CORO2B: variants seen among roughly 807,000 people sequenced by gnomAD.
CORO2B encodes coronin 2B.
Under a neutral mutation model 58.8 loss-of-function variants are expected in CORO2B, and 26 were observed. The ratio of observed to expected loss-of-function variants is 0.44; its 90% confidence interval spans 0.32 to 0.61. The LOEUF (loss-of-function observed/expected upper bound fraction) is 0.61, where lower values mean the gene tolerates loss of function less well. Ranked by LOEUF, CORO2B falls within the 20% of genes least tolerant of loss-of-function variation. The pLI, the probability that CORO2B is intolerant of heterozygous loss-of-function variation, is 0.04. For synonymous variants in CORO2B, 242 were observed against 253.8 expected, an observed-to-expected ratio of 0.95 and a Z score of 0.44; for missense variants, 460 against 645.1, an observed-to-expected ratio of 0.71 and a Z score of 3.11.
At chr15:68,715,465 G>T (rs1488068445) in intron 8 of CORO2B, among the ~76,000 whole-genome samples, 154 bp downstream of exon 8, 4 of 152,250 alleles carry the variant, frequency 2.6e-5, no homozygotes, top group African/African-American at 9.6e-5. Flanking sequence ...TGGCCCTGCT[G>T]CAGCTGTCAC....
At chr15:68,611,957 G>T (rs966779125) in intron 1 of CORO2B, among the ~76,000 whole-genome samples, 4 of 152,064 alleles carry the variant, frequency 2.6e-5, no homozygotes, top group African/African-American at 9.7e-5. Context: ...TTTTCATAGA[G>T]ACTGGGTCTT....
At chr15:68,534,269 C>T in the CORO2B span, among the ~76,000 whole-genome samples, 47 of 151,926 alleles carry the variant, frequency 3.1e-4, no homozygotes, top group Admixed American at 3.1e-3. Context: ...CACACCTGCA[C>T]ATATGTGTAC....
At chr15:68,662,203 G>A (rs1289425928) in intron 2 of CORO2B, among the ~76,000 whole-genome samples, 1 of 152,044 alleles carries the variant, frequency 6.6e-6, no homozygotes, top group South Asian at 2.1e-4. Flanking sequence ...CTTTGCTGAT[G>A]TTAAATTATC....
At chr15:68,709,998 A>T (rs1892877045) in intron 3 of CORO2B, among the ~76,000 whole-genome samples, 1 of 152,170 alleles carries the variant, frequency 6.6e-6, no homozygotes, top group Non-Finnish European at 1.5e-5. Context: ...TGATTCCAAG[A>T]CTGCAGAGAA....
chr15:68,609,747 G>A (rs1900204784), intron 1 of CORO2B, among the ~76,000 whole-genome samples: 1 of 152,218 alleles, frequency 6.6e-6, no homozygotes, highest in African/African-American at 2.4e-5. Flanking sequence ...ATGGAAGGCC[G>A]TTGCTCTGGC....
At chr15:68,612,738 G>A (rs376241230) in intron 1 of CORO2B, among the ~76,000 whole-genome samples, 5 of 152,168 alleles carry the variant, frequency 3.3e-5, no homozygotes, top group Admixed American at 2.0e-4. Context: ...TGATCCTCAC[G>A]CCGCAGTCTC....
At chr15:68,562,837 C>T in the CORO2B span, among the ~76,000 whole-genome samples, 5 of 151,632 alleles carry the variant, frequency 3.3e-5, no homozygotes, top group Admixed American at 1.3e-4. Context: ...ATTAGCCGGG[C>T]GTGGTGGCAG....
intron 2 of CORO2B, among the ~76,000 whole-genome samples, chr15:68,694,935 C>G (rs1233403182): frequency 6.6e-6 from 1 of 152,222 alleles, no homozygotes; most frequent in African/African-American, 2.4e-5. Flanking sequence ...CTGAACCATT[C>G]AGTCTTGGGG....
rs116153334 is a variant in CORO2B at position 68,595,298 on chromosome 15, G to A, written c.15+16021G>A. On this transcript the variant is annotated intron_variant, in intron 1 of 11. Transcript: ENST00000261861. ...CTCCAGCTAAGCCCTGCTGTCCTGTGTCCCTGAGAACACTGGCAGGATTTC... is the reference window on the plus strand; with the variant it reads ...CTCCAGCTAAGCCCTGCTGTCCTGTATCCCTGAGAACACTGGCAGGATTTC... Among the ~76,000 whole-genome samples, 203 of 152,316 alleles carry A rather than the reference G, an allele frequency of 1.3e-3. 1 individual carries two copies. The highest frequency in any genetic ancestry group is 4.7e-3 in the African/African-American group (197 of 41,564).
At chr15:68,576,173 A>AAG (rs1555409380), upstream of CORO2B, among the ~76,000 whole-genome samples, 106 of 103,882 alleles carry the variant, frequency 1.0e-3, no homozygotes, top group African/African-American at 1.3e-3. Flanking sequence ...AAAAAAAAAA[A>AAG]AAAGAAAGAA....
intron 2 of CORO2B, among the ~76,000 whole-genome samples, chr15:68,675,951 A>G (rs1902572771): frequency 6.6e-6 from 1 of 152,138 alleles, no homozygotes; most frequent in African/African-American, 2.4e-5. Context: ...ATAATATAGT[A>G]TAATAATAGA....
At chr15:68,593,511 A>G (rs1232728371) in intron 1 of CORO2B, among the ~76,000 whole-genome samples, 2 of 152,150 alleles carry the variant, frequency 1.3e-5, no homozygotes, top group African/African-American at 2.4e-5. Context: ...CTGAAACACA[A>G]TCTGGAGCCT....
chr15:68,646,182 C>T (rs1008440053), intron 2 of CORO2B, among the ~76,000 whole-genome samples: 12 of 152,044 alleles, frequency 7.9e-5, no homozygotes, highest in Non-Finnish European at 1.2e-4. Context: ...CAGCTGCTTA[C>T]GTGAATATAA....
chr15:68,719,050 A>C (rs1491640), intron 9 of CORO2B, 94 bp from the exon 10 acceptor site: 749,749 of 1,035,190 alleles, frequency 0.72, 275,307 homozygotes, highest in East Asian at 0.85. Flanking sequence ...GAGCAGGTAG[A>C]GTGACTGGAG....
At chr15:68,631,047 G>A (rs569713645) in intron 1 of CORO2B, among the ~76,000 whole-genome samples, 7 of 152,272 alleles carry the variant, frequency 4.6e-5, no homozygotes, top group East Asian at 3.9e-4. Context: ...GGGTGTTCCC[G>A]TGGTGGTGCA....
chr15:68,606,417 C>G (rs1039489723), intron 1 of CORO2B, among the ~76,000 whole-genome samples: 1 of 152,174 alleles, frequency 6.6e-6, no homozygotes, highest in Non-Finnish European at 1.5e-5. Flanking sequence ...TCCAGTGAAT[C>G]TAGGACTGCA....
chr15:68,717,768 A>C (rs918928610), intron 8 of CORO2B, among the ~76,000 whole-genome samples: 11 of 152,230 alleles, frequency 7.2e-5, no homozygotes, highest in African/African-American at 2.2e-4. Context: ...CAGCTCCTGG[A>C]ATTCCTTTAT....
intron 11 of CORO2B, 58 bp from the exon 12 acceptor site, chr15:68,725,785 C>A: frequency 6.3e-7 from 1 of 1,598,346 alleles, no homozygotes; most frequent in Non-Finnish European, 8.5e-7. Context: ...CTGGGAAATC[C>A]TTGTCTCACC....
chr15:68,605,590 A>G (rs868007028), intron 1 of CORO2B, among the ~76,000 whole-genome samples: 2 of 152,178 alleles, frequency 1.3e-5, no homozygotes, highest in South Asian at 4.1e-4. Context: ...AGTTTTATGC[A>G]TATCATGATT....
Sources: gnomAD v4.1 joint callset for allele counts (sites outside exome capture counted in the v4.1 genomes callset) on GRCh38, gnomAD v4.1.1 for gene constraint, MANE v1.5 for transcripts, NCBI Gene and HGNC (gene_info 2026-07-23, HGNC 2026-07-21) for gene names.